The following CFAP54 variants were observed in gnomAD, a reference collection of about 807,000 sequenced individuals.
CFAP54 encodes the protein cilia- and flagella-associated protein 54.
CFAP54 carries 290 observed loss-of-function variants against 370.4 expected under a neutral mutation model. The ratio of observed to expected loss-of-function variants is 0.78; its 90% confidence interval spans 0.71 to 0.86. The LOEUF is 0.86. Among genes scored for constraint, CFAP54 ranks in the 40% least tolerant of loss-of-function variants. The pLI is 0.00. For missense variants in CFAP54, 3,399 were observed against 3,528.7 expected, an observed-to-expected ratio of 0.96 and a Z score of 0.93; for synonymous variants, 1,206 against 1,236.5, an observed-to-expected ratio of 0.98 and a Z score of 0.52.
intron 21 of CFAP54, 31 bp downstream of exon 21, chr12:96,580,720 C>T (rs918568060): frequency 2.9e-5 from 39 of 1,360,210 alleles, no homozygotes; most frequent in Middle Eastern, 1.8e-4. Flanking sequence ...GGAAATCTTA[C>T]TGAAGCCTTT....
chr12:96,654,711 C>T (rs940821423), intron 36 of CFAP54, among the ~76,000 whole-genome samples: 26 of 152,120 alleles, frequency 1.7e-4, no homozygotes, highest in African/African-American at 6.0e-4. Flanking sequence ...AACCGCTACC[C>T]TTCCCAGTCT....
At position 96,503,907 on chromosome 12, in the gene CFAP54, C is replaced by T; in HGVS notation, c.445C>T (p.Gln149Ter). The change falls in exon 3 of 68, where the codon CAA (glutamine) becomes TAA (stop). Residue 149 changes from glutamine to a stop codon, truncating the protein, a stop_gained. Transcript: ENST00000524981. LOFTEE classifies it high-confidence loss of function. ...TCAGGAATACAAACTGGCCCTTTTA[C>T]AATGCTATGGAAGATATCTTCAGCA... ...QMKEYKLALL[Q>*]CYGRYLQQFN... 1 of 1,497,058 alleles carries T rather than the reference C, an allele frequency of 6.7e-7. No homozygotes were observed. Among genetic ancestry groups the T allele is most frequent in the Non-Finnish European group, 8.8e-7 (1 of 1,131,840 alleles). 92.7% of individuals were successfully genotyped at this position (1,497,058 alleles called of 1,614,324 possible).
At chr12:96,561,958 G>T (rs990971842) in intron 17 of CFAP54, among the ~76,000 whole-genome samples, 1 of 151,634 alleles carries the variant, frequency 6.6e-6, no homozygotes, top group Admixed American at 6.6e-5. Flanking sequence ...GCTAATTTTT[G>T]TACTCTTAGT....
chr12:96,509,853 G>C (rs986628194), intron 4 of CFAP54, among the ~76,000 whole-genome samples: 1 of 151,150 alleles, frequency 6.6e-6, no homozygotes, highest in Admixed American at 6.6e-5. Flanking sequence ...TGGATATTAA[G>C]TAATACCTTA....
intron 60 of CFAP54, among the ~76,000 whole-genome samples, chr12:96,772,191 C>T (rs1958469402): frequency 6.6e-6 from 1 of 152,088 alleles, no homozygotes; most frequent in African/African-American, 2.4e-5. Context: ...CTCAGTTCCC[C>T]CCAGAAACAA....
At chr12:96,814,818 T>A (rs895275526) in intron 64 of CFAP54, among the ~76,000 whole-genome samples, 1 of 152,198 alleles carries the variant, frequency 6.6e-6, no homozygotes, top group Non-Finnish European at 1.5e-5. Flanking sequence ...TGGTTTTCTG[T>A]TCCTGTGTTA....
chr12:96,786,749 A>AT lies in CFAP54; in HGVS notation c.8534dup (p.Leu2845PhefsTer11), dbSNP rs1406032800. On this transcript the variant is annotated frameshift_variant, in exon 62 of 68. Transcript: ENST00000524981. LOFTEE classifies it high-confidence loss of function. The stretch of plus-strand genomic sequence containing the variant: ...CACATCCCTTTACAACTCTGAGTTG[A>AT]TTTTGCGCCAGAAAGAAGTGCATTT... 2.6e-6 allele frequency: 4 copies of AT among 1,535,814 alleles called. No homozygotes were observed. The East Asian group carries it at 9.8e-5, about 38-fold the overall frequency.
chr12:96,553,261 G>A (rs1955715147), intron 15 of CFAP54, among the ~76,000 whole-genome samples: 1 of 151,978 alleles, frequency 6.6e-6, no homozygotes, highest in Admixed American at 6.6e-5. Flanking sequence ...ATACCAGCAG[G>A]AATAAGTTTC....
intron 39 of CFAP54, among the ~76,000 whole-genome samples, chr12:96,671,389 G>C (rs1004608140): frequency 6.6e-6 from 1 of 151,806 alleles, no homozygotes; most frequent in Non-Finnish European, 1.5e-5. Context: ...ATAATTTAGG[G>C]GTTTTTTTTG....
chr12:96,826,524 ATAT>A (rs1255400118), intron 65 of CFAP54, among the ~76,000 whole-genome samples: 1 of 73,226 alleles, frequency 1.4e-5, no homozygotes, highest in Non-Finnish European at 2.5e-5. Flanking sequence ...AATATATAAT[ATAT>A]TATATATTAT....
chr12:96,630,161 A>T lies in CFAP54; in HGVS notation c.4172A>T (p.Asn1391Ile), dbSNP rs74466340. The part of the protein sequence containing the change: ...YKDSALNKKA[N>I]KSLKFKAAVM... ...GATAGTGCTTTGAATAAAAAAGCAAACAAATCTTTAAAGTTCAAAGCTGCA... is the reference window on the plus strand; with the variant it reads ...GATAGTGCTTTGAATAAAAAAGCAATCAAATCTTTAAAGTTCAAAGCTGCA... The change falls in exon 31 of 68, where the codon AAC (asparagine) becomes ATC (isoleucine). Residue 1391 changes from asparagine (N) to isoleucine (I), a missense_variant. This residue lies in a region of CFAP54 where 2,796 missense variants were observed against 2,869.7 expected (regional missense o/e 0.97). Coordinates refer to ENST00000524981, the MANE Select transcript of CFAP54 (RefSeq NM_001306084.2). 7.1e-3 allele frequency: 10,630 copies of T among 1,504,846 alleles called. 473 individuals are homozygous for T. In the East Asian group the frequency reaches 0.11, roughly 16 times the overall value. 93.2% of individuals were successfully genotyped at this position (1,504,846 alleles called of 1,614,324 possible).
chr12:96,647,471 C>CGAA (rs1167008566), intron 33 of CFAP54, among the ~76,000 whole-genome samples: 1 of 10,688 alleles, frequency 9.4e-5, no homozygotes. Context: ...AGACTCTGTC[C>CGAA]CAAAAAAAAA....
At chr12:96,582,401 T>C (rs1039891771) in intron 22 of CFAP54, among the ~76,000 whole-genome samples, 19 of 152,196 alleles carry the variant, frequency 1.2e-4, no homozygotes, top group African/African-American at 4.6e-4. Flanking sequence ...AATTTTGTCA[T>C]ATTTCTATTC....
intron 26 of CFAP54, among the ~76,000 whole-genome samples, chr12:96,618,141 C>T (rs1476349998): frequency 3.3e-5 from 5 of 152,042 alleles, no homozygotes; most frequent in Admixed American, 6.6e-5. Context: ...CAACTACTTA[C>T]GTTTAAGTAA....
intron 56 of CFAP54, 71 bp from the exon 57 acceptor site, chr12:96,756,387 G>A (rs1438759135): frequency 1.2e-6 from 1 of 814,206 alleles, no homozygotes; most frequent in African/African-American, 1.7e-5. Context: ...TTTCCAGCAT[G>A]AAATATTTGT....
At chr12:96,622,506 C>T (rs1956509471) in intron 27 of CFAP54, among the ~76,000 whole-genome samples, 1 of 152,068 alleles carries the variant, frequency 6.6e-6, no homozygotes. Flanking sequence ...TATGACACCA[C>T]ACCTGGCTAA....
intron 3 of CFAP54, among the ~76,000 whole-genome samples, chr12:96,506,649 C>T (rs1202665859): frequency 4.7e-5 from 7 of 147,910 alleles, no homozygotes; most frequent in Non-Finnish European, 1.0e-4. Flanking sequence ...TGCAGTGGCA[C>T]GATCTTGGCT....
chr12:96,693,706 GT>G lies in CFAP54; in HGVS notation c.6265-11del. The G allele has an allele frequency of 6.7e-7, 1 of 1,488,330 alleles. No individual in the cohort carries two copies. The allele number at this position is 1,488,330 out of a possible 1,614,324, so 92.2% of individuals were successfully genotyped here. On this transcript the variant is annotated splice_polypyrimidine_tract_variant and intron_variant, in intron 44 of 67. Transcript: ENST00000524981. ...TAAAATATATTTTGAAACAAAGAGT[GT>G]TTTTCTCCTGATAGGTTCTGCCTCT...
At chr12:96,495,210 TTATA>T (rs960038834) in intron 1 of CFAP54, among the ~76,000 whole-genome samples, 1 of 152,122 alleles carries the variant, frequency 6.6e-6, no homozygotes, top group African/African-American at 2.4e-5. Context: ...GGTATTCTGC[TTATA>T]TAGTTATGAT....
Sources: gnomAD v4.1 joint callset for allele counts (sites outside exome capture counted in the v4.1 genomes callset) on GRCh38, gnomAD v4.1.1 for gene constraint, gnomAD v4.1.1 regional missense constraint, MANE v1.5 for transcripts, NCBI Gene and HGNC (gene_info 2026-07-23, HGNC 2026-07-21) for gene names.